Variants in ADAMTS6 observed in about 807,000 individuals in gnomAD.
ADAMTS6 encodes ADAM metallopeptidase with thrombospondin type 1 motif 6.
In ADAMTS6, 23 loss-of-function variants were observed where a neutral mutation model predicts 144.3. That is an observed-to-expected ratio of 0.16 (90% CI 0.11 to 0.23). ADAMTS6 has a LOEUF of 0.23. Ranked by LOEUF, ADAMTS6 falls within the 10% of genes least tolerant of loss-of-function variation. The probability of loss-of-function intolerance (pLI) is 1.00; values close to 1 mark genes in which losing one functional copy is unlikely to be tolerated. For missense variants in ADAMTS6, 999 were observed against 1,379.6 expected, an observed-to-expected ratio of 0.72 and a Z score of 4.37; for synonymous variants, 444 against 457.5, an observed-to-expected ratio of 0.97 and a Z score of 0.38.
At chr5:65,292,386 G>GTTT (rs200773430) in intron 10 of ADAMTS6, among the ~76,000 whole-genome samples, 1 of 122,962 alleles carries the variant, frequency 8.1e-6, no homozygotes, top group Non-Finnish European at 1.8e-5. Flanking sequence ...CAGCACTTGT[G>GTTT]TTTTTTTTTT....
chr5:65,247,679 TCTC>T (rs1759752373), intron 14 of ADAMTS6, among the ~76,000 whole-genome samples: 1 of 152,018 alleles, frequency 6.6e-6, no homozygotes, highest in Non-Finnish European at 1.5e-5. Context: ...TTTCCTTTCC[TCTC>T]CTCCTCTAAA....
At chr5:65,175,374 GAGAGAAAT>G (rs1268122199) in intron 22 of ADAMTS6, among the ~76,000 whole-genome samples, 7 of 145,602 alleles carry the variant, frequency 4.8e-5, no homozygotes, top group Middle Eastern at 7.0e-3. Flanking sequence ...AAGAGAGAAA[GAGAGAAAT>G]ATACCAGAAG....
chr5:65,403,756 C>A (rs1321567247), intron 7 of ADAMTS6, among the ~76,000 whole-genome samples: 1 of 152,110 alleles, frequency 6.6e-6, no homozygotes, highest in African/African-American at 2.4e-5. Context: ...GCAATTCCCA[C>A]ACACATATAC....
At chr5:65,306,928 T>TA (rs1743991453) in intron 9 of ADAMTS6, among the ~76,000 whole-genome samples, 1 of 152,232 alleles carries the variant, frequency 6.6e-6, no homozygotes, top group African/African-American at 2.4e-5. Flanking sequence ...CTGTGTCAGT[T>TA]AAATGTGTTT....
intron 9 of ADAMTS6, among the ~76,000 whole-genome samples, chr5:65,320,818 A>T (rs1297830967): frequency 6.6e-6 from 1 of 152,038 alleles, no homozygotes; most frequent in Non-Finnish European, 1.5e-5. Context: ...TTCTGTTCCT[A>T]TGTTAGTTTG....
chr5:65,394,260 CA>C (rs1236043975), intron 7 of ADAMTS6, among the ~76,000 whole-genome samples: 4 of 152,120 alleles, frequency 2.6e-5, no homozygotes, highest in Non-Finnish European at 4.4e-5. Context: ...GCATGCTGGA[CA>C]AAAGCCCAAA....
At chr5:65,417,836 A>C (rs2150193567) in intron 7 of ADAMTS6, among the ~76,000 whole-genome samples, 1 of 152,296 alleles carries the variant, frequency 6.6e-6, no homozygotes, top group East Asian at 1.9e-4. Context: ...ATTCCTATCA[A>C]ACTACCAATG....
chr5:65,194,711 A>G (rs1213029666), intron 21 of ADAMTS6, among the ~76,000 whole-genome samples: 1 of 152,006 alleles, frequency 6.6e-6, no homozygotes, highest in Non-Finnish European at 1.5e-5. Flanking sequence ...TTAGGTCTTT[A>G]AAAAAAACCC....
chr5:65,284,055 T>C (rs1763183559), intron 11 of ADAMTS6, among the ~76,000 whole-genome samples: 1 of 152,126 alleles, frequency 6.6e-6, no homozygotes, highest in South Asian at 2.1e-4. Flanking sequence ...AAAAGTTGTA[T>C]AGGTGGCCAG....
At chr5:65,177,863 T>A (rs1223139196) in intron 22 of ADAMTS6, among the ~76,000 whole-genome samples, 1 of 152,104 alleles carries the variant, frequency 6.6e-6, no homozygotes, top group Admixed American at 6.5e-5. Flanking sequence ...CGACCAGGCG[T>A]GGGCTGCATG....
intron 10 of ADAMTS6, among the ~76,000 whole-genome samples, chr5:65,295,947 G>A (rs763125300): frequency 6.6e-6 from 1 of 151,796 alleles, no homozygotes; most frequent in East Asian, 1.9e-4. Flanking sequence ...TTACAGTTCG[G>A]TCATCAGCAA....
intron 7 of ADAMTS6, among the ~76,000 whole-genome samples, chr5:65,352,930 T>A (rs1171296731): frequency 6.6e-6 from 1 of 152,028 alleles, no homozygotes; most frequent in Non-Finnish European, 1.5e-5. Context: ...CTAAACGACA[T>A]ATGAGACCCT....
At chr5:65,397,708 C>T (rs1168948851) in intron 7 of ADAMTS6, among the ~76,000 whole-genome samples, 1 of 151,200 alleles carries the variant, frequency 6.6e-6, no homozygotes, top group African/African-American at 2.4e-5. Context: ...GAAACCTCGA[C>T]TCTACAAAAA....
rs1757697922 is a variant in ADAMTS6, at chr5:65,226,068, G to T, written c.2067+18C>A. On this transcript the variant is annotated intron_variant, in intron 16 of 24. Coordinates refer to ENST00000381055, the MANE Select transcript of ADAMTS6 (RefSeq NM_197941.4). ...AAGTCTCAAAAACCCCAACAGAAAG[G>T]AGTAAAATCTGAGCAACCTTGCATT... 6.3e-7 allele frequency: 1 copy of T among 1,591,946 alleles called. No homozygotes were observed. Among genetic ancestry groups the T allele is most frequent in the Non-Finnish European group, 8.6e-7 (1 of 1,167,356 alleles).
At chr5:65,389,136 G>A (rs1752709548) in intron 7 of ADAMTS6, among the ~76,000 whole-genome samples, 1 of 152,070 alleles carries the variant, frequency 6.6e-6, no homozygotes. Flanking sequence ...CCCGGGAGGC[G>A]GAGCTTGCAG....
intron 20 of ADAMTS6, among the ~76,000 whole-genome samples, chr5:65,200,206 T>C (rs910307498): frequency 2.0e-5 from 3 of 152,162 alleles, no homozygotes; most frequent in Non-Finnish European, 4.4e-5. Flanking sequence ...TACAGATTTT[T>C]TTTTCTTTTT....
intron 20 of ADAMTS6, among the ~76,000 whole-genome samples, chr5:65,205,725 G>A (rs1756043215): frequency 6.6e-6 from 1 of 152,146 alleles, no homozygotes; most frequent in Non-Finnish European, 1.5e-5. Flanking sequence ...AATAGTATAG[G>A]TTATCACATA....
intron 7 of ADAMTS6, among the ~76,000 whole-genome samples, chr5:65,362,763 G>A (rs1474992197): frequency 1.3e-5 from 2 of 152,062 alleles, no homozygotes; most frequent in East Asian, 1.9e-4. Flanking sequence ...TCAGTGGTGC[G>A]AGAGACAAAT....
intron 20 of ADAMTS6, among the ~76,000 whole-genome samples, chr5:65,207,365 T>TAATAATAATATAA (rs1756176710): frequency 6.6e-6 from 1 of 152,124 alleles, no homozygotes; most frequent in South Asian, 2.1e-4. Flanking sequence ...TATAAAATTA[T>TAATAATAATATAA]AATAAATATA....
Sources: gnomAD v4.1 joint callset for allele counts (sites outside exome capture counted in the v4.1 genomes callset) on GRCh38, gnomAD v4.1.1 for gene constraint, MANE v1.5 for transcripts, NCBI Gene and HGNC (gene_info 2026-07-23, HGNC 2026-07-21) for gene names.